SMARCA2: variants seen among roughly 807,000 people sequenced by gnomAD.
The protein encoded by SMARCA2 is SWI/SNF related BAF chromatin remodeling complex subunit ATPase 2.
SMARCA2 carries 61 observed loss-of-function variants against 199.8 expected under a neutral mutation model. The observed-to-expected ratio is 0.31, with a 90% CI of 0.25 to 0.38. The LOEUF is 0.38. Ranked by LOEUF, SMARCA2 falls within the 10% of genes least tolerant of loss-of-function variation. The pLI is 1.00. For missense variants in SMARCA2, 1,344 were observed against 2,012.2 expected, an observed-to-expected ratio of 0.67 and a Z score of 6.35; for synonymous variants, 935 against 732.0, an observed-to-expected ratio of 1.28 and a Z score of -4.48.
intron 19 of SMARCA2, among the ~76,000 whole-genome samples, chr9:2,090,846 C>T (rs1377412100): frequency 1.3e-5 from 2 of 151,752 alleles, no homozygotes; most frequent in Non-Finnish European, 2.9e-5. Context: ...ACTTTTTCAG[C>T]CTTGTTAGGA....
intron 29 of SMARCA2, among the ~76,000 whole-genome samples, chr9:2,178,294 T>C (rs1826768734): frequency 6.6e-6 from 1 of 152,162 alleles, no homozygotes. Context: ...TTACCCCATG[T>C]CTCATCAGAG....
At chr9:2,088,654 C>G (rs1385345045) in intron 19 of SMARCA2, 41 bp downstream of exon 19, 2 of 1,376,302 alleles carry the variant, frequency 1.5e-6, no homozygotes, top group Admixed American at 2.2e-5. Flanking sequence ...TTTTTTTCCT[C>G]CAGCAAATAT....
At chr9:2,093,827 A>G (rs771264088) in intron 19 of SMARCA2, among the ~76,000 whole-genome samples, 3 of 152,226 alleles carry the variant, frequency 2.0e-5, no homozygotes, top group East Asian at 3.8e-4. Flanking sequence ...CTATAAATCA[A>G]CTTCCTTTAA....
At chr9:2,072,472 C>G (rs1267049332) in intron 10 of SMARCA2, among the ~76,000 whole-genome samples, 2 of 152,148 alleles carry the variant, frequency 1.3e-5, no homozygotes, top group Non-Finnish European at 2.9e-5. Flanking sequence ...TTTTCTTTGT[C>G]ACACTCAAAG....
chr9:2,077,010 T>C (rs1045237740), intron 13 of SMARCA2, among the ~76,000 whole-genome samples: 5 of 152,222 alleles, frequency 3.3e-5, no homozygotes, highest in African/African-American at 1.2e-4. Flanking sequence ...TCCATGGTTG[T>C]GTGCCCCACT....
At chr9:2,053,449 G>T (rs1205379955) in intron 5 of SMARCA2, among the ~76,000 whole-genome samples, 1 of 152,096 alleles carries the variant, frequency 6.6e-6, no homozygotes, top group East Asian at 1.9e-4. Flanking sequence ...GCAAATTGAG[G>T]TTCCAATCTT....
intron 27 of SMARCA2, among the ~76,000 whole-genome samples, chr9:2,157,153 A>C (rs1209999224): frequency 6.6e-6 from 1 of 152,212 alleles, no homozygotes; most frequent in Non-Finnish European, 1.5e-5. Context: ...TTGTTGTTTA[A>C]TATTTATATT....
intron 9 of SMARCA2, among the ~76,000 whole-genome samples, chr9:2,061,695 A>T (rs1280548377): frequency 6.6e-6 from 1 of 152,220 alleles, no homozygotes; most frequent in Non-Finnish European, 1.5e-5. Context: ...TGTGTTCATG[A>T]TAAATTCTGT....
At chr9:2,102,168 G>A (rs1822549546) in intron 22 of SMARCA2, among the ~76,000 whole-genome samples, 1 of 151,530 alleles carries the variant, frequency 6.6e-6, no homozygotes, top group Non-Finnish European at 1.5e-5. Context: ...TGTGTGTGGT[G>A]TGTTGCAAAT....
intron 1 of SMARCA2, among the ~76,000 whole-genome samples, chr9:2,018,218 G>T (rs1430213363): frequency 6.6e-6 from 1 of 152,240 alleles, no homozygotes; most frequent in African/African-American, 2.4e-5. Flanking sequence ...GAGTGGGGGT[G>T]TTGTGCAGAA....
intron 5 of SMARCA2, among the ~76,000 whole-genome samples, chr9:2,050,733 G>T (rs75884294): frequency 6.6e-6 from 1 of 151,884 alleles, no homozygotes; most frequent in East Asian, 1.9e-4. Context: ...AGTCACACAC[G>T]CTCTCTTTTT....
chr9:2,101,909 C>G (rs555309595), intron 22 of SMARCA2, among the ~76,000 whole-genome samples: 1 of 152,214 alleles, frequency 6.6e-6, no homozygotes, highest in Non-Finnish European at 1.5e-5. Context: ...TTATTTATAA[C>G]CAAAAGTATA....
intron 27 of SMARCA2, among the ~76,000 whole-genome samples, chr9:2,142,699 G>T (rs1340821494): frequency 1.3e-5 from 2 of 152,172 alleles, no homozygotes; most frequent in Admixed American, 6.5e-5. Flanking sequence ...GTTTAAAGAG[G>T]TGAGGCTGGA....
intron 19 of SMARCA2, among the ~76,000 whole-genome samples, chr9:2,096,070 G>A (rs1822263085): frequency 6.6e-6 from 1 of 152,158 alleles, no homozygotes; most frequent in Non-Finnish European, 1.5e-5. Flanking sequence ...ATAAAGTAGT[G>A]TCCAATTGTG....
At chr9:2,113,200 A>G (rs183029688) in intron 24 of SMARCA2, among the ~76,000 whole-genome samples, 1 of 152,190 alleles carries the variant, frequency 6.6e-6, no homozygotes, top group South Asian at 2.1e-4. Context: ...TAGAGGCCTT[A>G]ATGTTGCTGA....
At position 2,184,353 on chromosome 9, in the gene SMARCA2, C is replaced by CTTTTTTTTTTTTT. The variant is rs1199876121; in HGVS notation, c.4462-1738_4462-1726dup. Among the ~76,000 whole-genome samples, 3 of 129,420 alleles carry CTTTTTTTTTTTTT rather than the reference C, an allele frequency of 2.3e-5. No individual in the cohort carries two copies. The South Asian group carries it at 7.6e-4, about 33-fold the overall frequency. The allele number at this position is 129,420 out of a possible 152,430, so 84.9% of individuals were successfully genotyped here. A position where few individuals can be genotyped will look rare whatever the true frequency, so the allele number is the denominator to read the frequency against. ...CATCTTGCAAAACATAGGATAATATCTTTTTTTTTTTTTTTTTGAGATGGA... is the reference window on the plus strand; with the variant it reads ...CATCTTGCAAAACATAGGATAATATCTTTTTTTTTTTTTTTTTTTTTTTTTTTTTTGAGATGGA... On this transcript the variant is annotated intron_variant, in intron 31 of 33. Coordinates refer to ENST00000349721, the MANE Select transcript of SMARCA2 (RefSeq NM_003070.5).
Position 2,060,118 on chromosome 9 carries a change from C to CAAAA in SMARCA2, c.1522-669_1522-666dup, listed in dbSNP as rs372329238. ...CCATTACTCAGTGCAGATCTGTGGC[C>CAAAA]AAAAAAAAAAAAAAAAAAAAAAAAA... On this transcript the variant is annotated intron_variant, in intron 8 of 33. Coordinates refer to ENST00000349721, the MANE Select transcript of SMARCA2 (RefSeq NM_003070.5). Among the ~76,000 whole-genome samples the CAAAA allele has an allele frequency of 1.1e-3, 66 of 62,384 alleles. 3 individuals are homozygous for CAAAA. The East Asian group carries it at 0.022, about 21-fold the overall frequency. The allele number at this position is 62,384 out of a possible 152,430, so 40.9% of individuals were successfully genotyped here.
chr9:2,171,008 C>G (rs1826222122), intron 29 of SMARCA2, among the ~76,000 whole-genome samples: 1 of 152,206 alleles, frequency 6.6e-6, no homozygotes, highest in South Asian at 2.1e-4. Flanking sequence ...CAGGGTGTGA[C>G]TCCTGGGCCT....
In SMARCA2 at chr9:2,101,578, T is replaced by C. The variant is rs1822517226; in HGVS notation, c.3087T>C (p.Phe1029=). The change falls in exon 22 of 34, where the codon TTT becomes TTC. Residue 1029 remains phenylalanine (F), a synonymous_variant. Transcript: ENST00000349721. ...ATCTCTCTCTTTTAAAGGAATCCTT[T>C]GCTGAACACCTAGGCTATTCAAATG... is the stretch of plus-strand genomic sequence containing the variant. ...PYMFQHIEES[F]AEHLGYSNGV... The C allele has an allele frequency of 1.3e-6, 2 of 1,535,476 alleles. No homozygotes were observed. Among genetic ancestry groups the C allele is most frequent in the East Asian group, 2.3e-5 (1 of 43,584 alleles).
Sources: gnomAD v4.1 joint callset for allele counts (sites outside exome capture counted in the v4.1 genomes callset) on GRCh38, gnomAD v4.1.1 for gene constraint, MANE v1.5 for transcripts, NCBI Gene and HGNC (gene_info 2026-07-23, HGNC 2026-07-21) for gene names.